PTPRD: variants seen among roughly 807,000 people sequenced by gnomAD.
PTPRD encodes the protein receptor-type tyrosine-protein phosphatase delta.
A neutral mutation model predicts 214.5 loss-of-function variants in PTPRD; 34 were observed. That is an observed-to-expected ratio of 0.16 (90% CI 0.12 to 0.21). The LOEUF (loss-of-function observed/expected upper bound fraction) is 0.21. Among genes scored for constraint, PTPRD ranks in the 10% least tolerant of loss-of-function variants. The pLI is 1.00. For synonymous variants in PTPRD, 1,128 were observed against 845.7 expected (o/e 1.33, Z -5.79); for missense variants, 2,545 against 2,398.7 (o/e 1.06, Z -1.27).
intron 10 of PTPRD, among the ~76,000 whole-genome samples, chr9:9,029,739 C>T (rs1305134976): frequency 2.0e-5 from 3 of 151,814 alleles, no homozygotes; most frequent in Non-Finnish European, 4.4e-5. Context: ...GATGATTCAT[C>T]TCTCAGTGGA....
intron 5 of PTPRD, among the ~76,000 whole-genome samples, chr9:9,868,442 AAAGAGC>A (rs1389266083): frequency 1.3e-5 from 2 of 152,178 alleles, no homozygotes; most frequent in African/African-American, 2.4e-5. Flanking sequence ...TATTGGTGTG[AAAGAGC>A]AAGTCAAAGA....
At chr9:9,537,712 TCTCACAAAC>T (rs1474489394) in intron 8 of PTPRD, among the ~76,000 whole-genome samples, 3 of 151,860 alleles carry the variant, frequency 2.0e-5, no homozygotes, top group African/African-American at 7.3e-5. Context: ...GACAGATGTT[TCTCACAAAC>T]CTCACTGTTA....
At chr9:8,794,840 C>T (rs2096361888) in intron 11 of PTPRD, among the ~76,000 whole-genome samples, 1 of 151,486 alleles carries the variant, frequency 6.6e-6, no homozygotes, top group Non-Finnish European at 1.5e-5. Flanking sequence ...GGAAAAATTA[C>T]ATATGAACTT....
intron 8 of PTPRD, among the ~76,000 whole-genome samples, chr9:9,427,051 A>T (rs1160643833): frequency 6.6e-6 from 1 of 152,238 alleles, no homozygotes; most frequent in Non-Finnish European, 1.5e-5. Flanking sequence ...ACAAAGCTGA[A>T]CGGAGAATGA....
chr9:9,109,722 T>A (rs1000465362), intron 10 of PTPRD, among the ~76,000 whole-genome samples: 3 of 152,132 alleles, frequency 2.0e-5, no homozygotes, highest in Non-Finnish European at 4.4e-5. Context: ...TTGGATGATA[T>A]CTTTCTAATA....
intron 35 of PTPRD, among the ~76,000 whole-genome samples, chr9:8,432,599 A>G (rs750116902): frequency 6.6e-6 from 1 of 152,244 alleles, no homozygotes; most frequent in Non-Finnish European, 1.5e-5. Flanking sequence ...GGTGTTTGAA[A>G]GCAATGTGAG....
chr9:9,252,150 GC>G (rs1230889903), intron 9 of PTPRD, among the ~76,000 whole-genome samples: 17 of 151,914 alleles, frequency 1.1e-4, no homozygotes, highest in African/African-American at 3.9e-4. Flanking sequence ...CCCAAAATAT[GC>G]CTCTTTGGCA....
At chr9:10,123,759 T>C (rs964813488) in intron 3 of PTPRD, among the ~76,000 whole-genome samples, 2 of 152,202 alleles carry the variant, frequency 1.3e-5, no homozygotes. Context: ...CTGATGCTCA[T>C]GGTGTTAAGT....
intron 36 of PTPRD, among the ~76,000 whole-genome samples, chr9:8,394,370 A>G (rs779185022): frequency 2.1e-4 from 32 of 152,174 alleles, no homozygotes; most frequent in African/African-American, 7.2e-4. Flanking sequence ...ATTTTGTGAA[A>G]TCAAGTAATC....
chr9:8,693,534 A>G (rs937912279), intron 12 of PTPRD, among the ~76,000 whole-genome samples: 2 of 152,152 alleles, frequency 1.3e-5, no homozygotes, highest in Non-Finnish European at 2.9e-5. Flanking sequence ...CTTTATCAGT[A>G]CTTAGAAAAT....
chr9:9,197,476 T>A (rs184942956), intron 9 of PTPRD, among the ~76,000 whole-genome samples: 7 of 136,936 alleles, frequency 5.1e-5, no homozygotes, highest in Non-Finnish European at 7.5e-5. Flanking sequence ...AATAGCGCAA[T>A]CTTTGCTCAC....
At chr9:9,473,429 A>G (rs2094776360) in intron 8 of PTPRD, among the ~76,000 whole-genome samples, 1 of 152,210 alleles carries the variant, frequency 6.6e-6, no homozygotes, top group Non-Finnish European at 1.5e-5. Context: ...AACTGCAATA[A>G]ACGTGGAGGT....
chr9:9,049,147 C>G (rs1158841008), intron 10 of PTPRD, among the ~76,000 whole-genome samples: 1 of 152,162 alleles, frequency 6.6e-6, no homozygotes, highest in African/African-American at 2.4e-5. Context: ...CTTGTAAAAC[C>G]TAAGGTCTAG....
At chr9:10,245,841 G>C (rs1196402778) in intron 3 of PTPRD, among the ~76,000 whole-genome samples, 1 of 152,104 alleles carries the variant, frequency 6.6e-6, no homozygotes, top group East Asian at 1.9e-4. Flanking sequence ...ATAAGGAAGA[G>C]ATAGTATCAA....
intron 8 of PTPRD, among the ~76,000 whole-genome samples, chr9:9,515,382 G>A (rs181571017): frequency 6.6e-6 from 1 of 152,020 alleles, no homozygotes; most frequent in Admixed American, 6.6e-5. Context: ...TTAATCTTAA[G>A]GGGGCACTAT....
At chr9:10,080,159 G>A (rs1027147398) in intron 3 of PTPRD, among the ~76,000 whole-genome samples, 5 of 152,084 alleles carry the variant, frequency 3.3e-5, no homozygotes, top group Admixed American at 6.6e-5. Flanking sequence ...GAAGCTCTCT[G>A]TAACAGCCTG....
chr9:9,283,827 C>T (rs1056156231), intron 9 of PTPRD, among the ~76,000 whole-genome samples: 3 of 151,582 alleles, frequency 2.0e-5, no homozygotes, highest in African/African-American at 7.3e-5. Context: ...ATAAATAGCC[C>T]AAACTGAATA....
At chr9:9,875,458 A>G (rs542157751) in intron 5 of PTPRD, among the ~76,000 whole-genome samples, 1 of 150,950 alleles carries the variant, frequency 6.6e-6, no homozygotes, top group Non-Finnish European at 1.5e-5. Context: ...CCTAAGTAGG[A>G]TGCAAACCAA....
At chr9:9,066,471 T>G (rs1485228536) in intron 10 of PTPRD, among the ~76,000 whole-genome samples, 1 of 152,188 alleles carries the variant, frequency 6.6e-6, no homozygotes, top group Non-Finnish European at 1.5e-5. Flanking sequence ...AGTTATTTAG[T>G]AGGCTAAAAA....
Sources: gnomAD v4.1 joint callset for allele counts (sites outside exome capture counted in the v4.1 genomes callset) on GRCh38, gnomAD v4.1.1 for gene constraint, MANE v1.5 for transcripts, NCBI Gene and HGNC (gene_info 2026-07-23, HGNC 2026-07-21) for gene names.